ADCY10: variants seen among roughly 807,000 people sequenced by gnomAD.
ADCY10 encodes adenylate cyclase type 10.
ADCY10 carries 156 observed loss-of-function variants against 183.3 expected under a neutral mutation model. The ratio of observed to expected loss-of-function variants is 0.85; its 90% CI spans 0.75 to 0.97. The LOEUF is 0.97. Among genes scored for constraint, ADCY10 ranks in the 50% least tolerant of loss-of-function variants. The probability of loss-of-function intolerance (pLI) is 0.00; values close to 1 mark genes in which losing one functional copy is unlikely to be tolerated. For missense variants in ADCY10, 1,745 were observed against 1,934.3 expected (o/e 0.90, Z 1.84); for synonymous variants, 645 against 670.0 (o/e 0.96, Z 0.58).
At position 167,822,131 on chromosome 1, in the gene ADCY10, A is replaced by G. The variant is rs150684208; in HGVS notation, c.4179T>C (p.Tyr1393=). ...ATTCCAAACATTCTTCAAATGTTCT[A>G]TAAACAAAACCTAAGAGAGAGAGGA... ...LDILLYSGFV[Y]RTFEECLEFI... The change falls in exon 30 of 33, where the codon TAT becomes TAC. Residue 1393 remains tyrosine, a synonymous_variant. Transcript: ENST00000367851. 36 of 1,582,512 alleles carry G rather than the reference A, an allele frequency of 2.3e-5. No homozygotes were observed. In the African/African-American group the frequency reaches 4.0e-4, roughly 18 times the overall value.
At chr1:167,894,047 T>C in intron 7 of ADCY10, 106 bp from the exon 8 acceptor site, 1 of 772,534 alleles carries the variant, frequency 1.3e-6, no homozygotes, top group Non-Finnish European at 2.3e-6. Context: ...TGGGCCTTCT[T>C]GTCCTTACAG....
At chr1:167,837,543 G>A (rs1013464380) in intron 21 of ADCY10, among the ~76,000 whole-genome samples, 3 of 152,214 alleles carry the variant, frequency 2.0e-5, no homozygotes, top group Non-Finnish European at 2.9e-5. Flanking sequence ...AGATGGTTAT[G>A]TGTCTTCTCT....
intron 12 of ADCY10, among the ~76,000 whole-genome samples, chr1:167,877,250 T>A (rs1214542360): frequency 1.4e-5 from 2 of 148,058 alleles, no homozygotes; most frequent in African/African-American, 5.0e-5. Context: ...TCTCGTATGG[T>A]CAATATTAAG....
intron 18 of ADCY10, among the ~76,000 whole-genome samples, chr1:167,852,307 A>T (rs987597915): frequency 1.3e-5 from 2 of 152,092 alleles, no homozygotes; most frequent in African/African-American, 4.8e-5. Flanking sequence ...GCTGGGCGGT[A>T]GTGGTGCATG....
intron 16 of ADCY10, among the ~76,000 whole-genome samples, chr1:167,858,301 C>G (rs1198691123): frequency 1.3e-5 from 2 of 151,910 alleles, no homozygotes; most frequent in African/African-American, 4.8e-5. Context: ...AGTTTGAGAA[C>G]AGCCTGGCCA....
At chr1:167,855,938 G>A (rs529949393) in intron 17 of ADCY10, among the ~76,000 whole-genome samples, 4 of 152,180 alleles carry the variant, frequency 2.6e-5, no homozygotes, top group Admixed American at 2.6e-4. Context: ...AGGAGGTCAA[G>A]GCTGCAGTGA....
At chr1:167,891,283 C>T (rs944171672) in intron 8 of ADCY10, among the ~76,000 whole-genome samples, 4 of 151,994 alleles carry the variant, frequency 2.6e-5, no homozygotes, top group Non-Finnish European at 5.9e-5. Context: ...ATCTGCCACA[C>T]TCTCCTGCCT....
chr1:167,855,231 A>AATCG (rs1456376367), intron 17 of ADCY10, among the ~76,000 whole-genome samples: 1 of 152,170 alleles, frequency 6.6e-6, no homozygotes, highest in East Asian at 1.9e-4. Context: ...GAGGCAGAAG[A>AATCG]ATCGCTTGAA....
chr1:167,825,113 A>C (rs758313052), intron 26 of ADCY10, among the ~76,000 whole-genome samples: 33 of 152,242 alleles, frequency 2.2e-4, no homozygotes, highest in Admixed American at 1.9e-3. Context: ...TCTGTGAAAA[A>C]TAAAAGCAAT....
intron 14 of ADCY10, among the ~76,000 whole-genome samples, 185 bp from the exon 15 acceptor site, chr1:167,861,248 C>G (rs970209688): frequency 1.3e-5 from 2 of 152,130 alleles, no homozygotes; most frequent in African/African-American, 4.8e-5. Context: ...TTCCTAAGCC[C>G]TGATTAATTT....
In ADCY10 at chr1:167,856,321, AG is replaced by A. The variant is rs1240747598; in HGVS notation, c.2014del (p.Leu672CysfsTer15). The A allele has an allele frequency of 6.2e-7, 1 of 1,614,062 alleles. No homozygotes were observed. The highest frequency in any genetic ancestry group is 1.3e-5 in the African/African-American group (1 of 74,926). On this transcript the variant is annotated frameshift_variant, in exon 17 of 33. Transcript: ENST00000367851. LOFTEE classifies it high-confidence loss of function. ...RTLPIFIIMS[L>X]CPFVNIPCAA... ...ACAGGGAATGTTAACGAAGGGACAC[AG>A]GGACATAATGATGAAGATAGGAAGA...
chr1:167,905,437 GAACGGCTC>G (rs1367270134), intron 1 of ADCY10, among the ~76,000 whole-genome samples: 3 of 152,188 alleles, frequency 2.0e-5, no homozygotes, highest in African/African-American at 7.2e-5. Context: ...GAGGGTAGCT[GAACGGCTC>G]AACTCATTTG....
intron 25 of ADCY10, among the ~76,000 whole-genome samples, chr1:167,830,384 A>G: frequency 7.3e-6 from 1 of 136,410 alleles, no homozygotes; most frequent in South Asian, 2.4e-4. Context: ...TTAGTTTACA[A>G]AAAAAAAAAA....
chr1:167,902,923 A>G (rs887383517), intron 3 of ADCY10, among the ~76,000 whole-genome samples: 3 of 152,234 alleles, frequency 2.0e-5, no homozygotes, highest in African/African-American at 7.2e-5. Flanking sequence ...CAATCTCTTA[A>G]TGACTATCTT....
intron 12 of ADCY10, among the ~76,000 whole-genome samples, chr1:167,876,257 CAAAA>C (rs71301004): frequency 1.2e-5 from 1 of 85,124 alleles, no homozygotes. Context: ...AGCTCCATCT[CAAAA>C]AAAAAAAAAA....
chr1:167,897,997 C>CAAAAAAAAA (rs1163013935), intron 6 of ADCY10, among the ~76,000 whole-genome samples: 4 of 17,390 alleles, frequency 2.3e-4, no homozygotes, highest in African/African-American at 9.3e-4. Flanking sequence ...GACTCTGTCT[C>CAAAAAAAAA]AAAAAAAAAA....
chr1:167,843,344 G>T (rs755723009), intron 21 of ADCY10, among the ~76,000 whole-genome samples: 6 of 152,130 alleles, frequency 3.9e-5, no homozygotes, highest in Non-Finnish European at 1.5e-5. Context: ...ATATGTATGT[G>T]TGTGTACATG....
At position 167,824,846 on chromosome 1, in the gene ADCY10, C is replaced by G. The variant is rs139094168; in HGVS notation, c.3760G>C (p.Ala1254Pro). 2.3e-5 allele frequency: 37 copies of G among 1,614,152 alleles called. No homozygotes were observed. Among genetic ancestry groups the G allele is most frequent in the Non-Finnish European group, 3.1e-5 (36 of 1,180,038 alleles). Residue 1254 changes from alanine to proline, a missense_variant, in exon 27 of 33, where the codon GCT becomes CCT. Physicochemically the swap from Ala to Pro is conservative, Grantham distance 27. Transcript: ENST00000367851. ...ETQNCFQIIK[A>P]YLDYSLYHHL... ...TGGTATAGCGAATAGTCTAGGTAAG[C>G]CTTAATGATCTGAAATGGCAGAGTG...
chr1:167,873,635 T>C (rs879755515), intron 13 of ADCY10, among the ~76,000 whole-genome samples: 4 of 152,210 alleles, frequency 2.6e-5, no homozygotes, highest in Admixed American at 2.6e-4. Context: ...TACTCCCCTG[T>C]CTAATCTCGA....
Sources: allele counts gnomAD v4.1 joint callset (sites outside exome capture counted in the v4.1 genomes callset), GRCh38; gene constraint gnomAD v4.1.1; transcripts MANE v1.5; gene names NCBI Gene and HGNC (gene_info 2026-07-23, HGNC 2026-07-21).